SIPA1L1: variants seen among roughly 807,000 people sequenced by gnomAD.
SIPA1L1 encodes the protein signal induced proliferation associated 1 like 1, also known as signal-induced proliferation-associated 1-like protein 1.
Under a neutral mutation model 162.7 loss-of-function variants are expected in SIPA1L1, and 26 were observed. The observed-to-expected ratio is 0.16, with a 90% CI of 0.12 to 0.22. The LOEUF is 0.22. Among genes scored for constraint, SIPA1L1 ranks in the 10% least tolerant of loss-of-function variants. The probability of loss-of-function intolerance (pLI) is 1.00; values close to 1 mark genes in which losing one functional copy is unlikely to be tolerated. For missense variants in SIPA1L1, 1,874 were observed against 2,241.0 expected, an observed-to-expected ratio of 0.84 and a Z score of 3.31; for synonymous variants, 829 against 837.4, an observed-to-expected ratio of 0.99 and a Z score of 0.17.
intron 3 of SIPA1L1, among the ~76,000 whole-genome samples, chr14:71,520,437 C>G (rs945791138): frequency 2.0e-5 from 3 of 152,082 alleles, no homozygotes; most frequent in African/African-American, 7.2e-5. Flanking sequence ...GATATACACA[C>G]AGAGCACAGA....
chr14:71,732,059 G>GT (rs773165409), intron 20 of SIPA1L1, among the ~76,000 whole-genome samples: 63 of 152,196 alleles, frequency 4.1e-4, no homozygotes, highest in Non-Finnish European at 4.6e-4. Flanking sequence ...CTTACCCTTG[G>GT]TAGGAGCACA....
At chr14:71,539,358 T>C (rs558827334) in intron 4 of SIPA1L1, among the ~76,000 whole-genome samples, 23 of 152,364 alleles carry the variant, frequency 1.5e-4, no homozygotes, top group South Asian at 6.2e-4. Flanking sequence ...GTGAAATGGC[T>C]GCTTTTGACA....
Position 71,593,591 on chromosome 14 carries a change from T to A in SIPA1L1, c.1498+4221T>A, listed in dbSNP as rs761405662. Among the ~76,000 whole-genome samples the A allele has an allele frequency of 7.0e-4, 106 of 152,122 alleles. 1 individual carries two copies. Among genetic ancestry groups the A allele is most frequent in the Non-Finnish European group, 7.5e-4 (51 of 68,016 alleles). ...GGAAAATACTAAGTTATAGAATAAT[T>A]ATAATGTTGCCTATATCCTGCATAG... On this transcript the variant is annotated intron_variant, in intron 5 of 23. Coordinates refer to ENST00000381232, the MANE Select transcript of SIPA1L1 (RefSeq NM_001386936.1).
intron 13 of SIPA1L1, among the ~76,000 whole-genome samples, chr14:71,694,833 A>G (rs1005654443): frequency 5.3e-5 from 8 of 152,326 alleles, no homozygotes; most frequent in East Asian, 1.9e-4. Flanking sequence ...AAGAGAAGAA[A>G]AGTCTCTTGT....
chr14:71,419,748 C>T (rs1229843095), intron 2 of SIPA1L1, among the ~76,000 whole-genome samples: 2 of 151,894 alleles, frequency 1.3e-5, no homozygotes, highest in African/African-American at 2.4e-5. Flanking sequence ...CCACCTGCCT[C>T]GGCCTCCCAA....
At chr14:71,659,421 T>TA (rs1480755956) in intron 9 of SIPA1L1, among the ~76,000 whole-genome samples, 1 of 152,138 alleles carries the variant, frequency 6.6e-6, no homozygotes, top group African/African-American at 2.4e-5. Context: ...GCCAGTGTAA[T>TA]AAAAAATAGA....
At chr14:71,606,164 A>G (rs903890140) in intron 5 of SIPA1L1, among the ~76,000 whole-genome samples, 3 of 152,176 alleles carry the variant, frequency 2.0e-5, no homozygotes, top group Admixed American at 6.5e-5. Context: ...GGGTGGCGGG[A>G]TTGCTTTCAG....
At chr14:71,631,896 A>G (rs1227908781) in intron 7 of SIPA1L1, among the ~76,000 whole-genome samples, 1 of 152,186 alleles carries the variant, frequency 6.6e-6, no homozygotes, top group Non-Finnish European at 1.5e-5. Context: ...ATCTTCAGGA[A>G]GTAGTTAAGA....
At chr14:71,585,781 A>G (rs544364272) in intron 4 of SIPA1L1, among the ~76,000 whole-genome samples, 1 of 152,352 alleles carries the variant, frequency 6.6e-6, no homozygotes, top group South Asian at 2.1e-4. Flanking sequence ...AGTATTATTT[A>G]TGCTATGTAG....
At chr14:71,720,721 G>A (rs371041146) in intron 17 of SIPA1L1, among the ~76,000 whole-genome samples, 9 of 151,880 alleles carry the variant, frequency 5.9e-5, no homozygotes, top group East Asian at 3.9e-4. Context: ...CAATTCCGCT[G>A]TTGAGAAACT....
intron 2 of SIPA1L1, among the ~76,000 whole-genome samples, chr14:71,473,730 G>A (rs373789653): frequency 6.6e-6 from 1 of 152,164 alleles, no homozygotes; most frequent in African/African-American, 2.4e-5. Flanking sequence ...TGCTGAGGAA[G>A]GATTTGGGTG....
rs577809088 is a variant in SIPA1L1 at position 71,465,447 on chromosome 14, G to C, written c.-464-47296G>C. The stretch of plus-strand genomic sequence containing the variant: ...AGGAGCAACCAACCAGCTTCATTAT[G>C]TTCCTTGGTTCTCCACATATGGTAT... On this transcript the variant is annotated intron_variant, in intron 2 of 23. Coordinates refer to ENST00000381232, the MANE Select transcript of SIPA1L1 (RefSeq NM_001386936.1). 7.9e-5 allele frequency among the ~76,000 whole-genome samples: 12 copies of C among 152,300 alleles called. 1 individual carries two copies. In the South Asian group the frequency reaches 2.5e-3, roughly 32 times the overall value.
At chr14:71,718,647 C>T (rs895272724) in intron 17 of SIPA1L1, among the ~76,000 whole-genome samples, 3 of 152,126 alleles carry the variant, frequency 2.0e-5, no homozygotes, top group Admixed American at 2.0e-4. Flanking sequence ...AAGACCCTGT[C>T]TCAAAAGCAA....
chr14:71,372,806 C>G (rs1268004055), intron 2 of SIPA1L1, among the ~76,000 whole-genome samples: 1 of 152,116 alleles, frequency 6.6e-6, no homozygotes, highest in Non-Finnish European at 1.5e-5. Context: ...GCTTTACAAA[C>G]ACAGGAATAA....
intron 2 of SIPA1L1, among the ~76,000 whole-genome samples, chr14:71,327,932 G>T (rs1208076118): frequency 6.6e-6 from 1 of 152,160 alleles, no homozygotes; most frequent in Non-Finnish European, 1.5e-5. Flanking sequence ...GGGCAGATTT[G>T]ACTCCTAGCT....
intron 7 of SIPA1L1, among the ~76,000 whole-genome samples, chr14:71,630,794 C>G (rs2040490338): frequency 6.6e-6 from 1 of 151,808 alleles, no homozygotes; most frequent in Admixed American, 6.6e-5. Context: ...TATGCAGTTT[C>G]TGTATTTCTG....
chr14:71,443,987 C>A (rs1345936012), intron 2 of SIPA1L1, among the ~76,000 whole-genome samples: 1 of 152,170 alleles, frequency 6.6e-6, no homozygotes, highest in Non-Finnish European at 1.5e-5. Flanking sequence ...GTATCTTGGA[C>A]CCATAGGAGA....
rs2085609268 is a variant in SIPA1L1 at position 71,739,372 on chromosome 14, T to G, written c.*211T>G. 1 of 364,546 alleles carries G rather than the reference T, an allele frequency of 2.7e-6. No homozygotes were observed. The highest frequency in any genetic ancestry group is 4.9e-6 in the Non-Finnish European group (1 of 205,384). The allele number at this position is 364,546 out of a possible 1,614,324, so 22.6% of individuals were successfully genotyped here. A position where few individuals can be genotyped will look rare whatever the true frequency, so the allele number is the denominator to read the frequency against. On this transcript the variant is annotated 3_prime_UTR_variant, in exon 24 of 24. Transcript: ENST00000381232. Reference sequence around the variant, plus strand: ...AAAAACAAAAAAAGTAAATAAAAATTTTAAACAGTAAAATAAAAGTTTAAC... The same window carrying G: ...AAAAACAAAAAAAGTAAATAAAAATGTTAAACAGTAAAATAAAAGTTTAAC...
rs545381354 is a variant in SIPA1L1, at chr14:71,699,727, C to G, written c.3521+600C>G. Among the ~76,000 whole-genome samples, 16 of 152,140 alleles carry G rather than the reference C, an allele frequency of 1.1e-4. No individual in the cohort carries two copies. The East Asian group carries it at 2.7e-3, about 26-fold the overall frequency. On this transcript the variant is annotated intron_variant, in intron 14 of 23. Transcript: ENST00000381232. Reference sequence around the variant, plus strand: ...CTTCCAGGACTCTTAGATTAGGGATCAAATTTGTCTGTGAGGACAAGTGAG... The same window carrying G: ...CTTCCAGGACTCTTAGATTAGGGATGAAATTTGTCTGTGAGGACAAGTGAG...
Sources: allele counts gnomAD v4.1 joint callset (sites outside exome capture counted in the v4.1 genomes callset), GRCh38; gene constraint gnomAD v4.1.1; transcripts MANE v1.5; gene names NCBI Gene and HGNC (gene_info 2026-07-23, HGNC 2026-07-21).